SMYD3: variants seen among roughly 807,000 people sequenced by gnomAD.
SMYD3 encodes SET and MYND domain containing 3.
Under a neutral mutation model 57.7 loss-of-function variants are expected in SMYD3, and 36 were observed. That is an observed-to-expected ratio of 0.62 (90% CI 0.48 to 0.82). The LOEUF is 0.82. Among genes scored for constraint, SMYD3 ranks in the 40% least tolerant of loss-of-function variants. The pLI, the probability that SMYD3 is intolerant of heterozygous loss-of-function variation, is 0.00. For missense variants in SMYD3, 515 were observed against 538.8 expected, an observed-to-expected ratio of 0.96 and a Z score of 0.44; for synonymous variants, 211 against 195.0, an observed-to-expected ratio of 1.08 and a Z score of -0.68.
At chr1:246,461,672 T>G (rs1371315016) in intron 1 of SMYD3, among the ~76,000 whole-genome samples, 1 of 147,948 alleles carries the variant, frequency 6.8e-6, no homozygotes, top group East Asian at 2.0e-4. Context: ...AGGCTGAGCT[T>G]GCAGTGAGCC....
intron 1 of SMYD3, among the ~76,000 whole-genome samples, chr1:246,378,176 AC>A (rs2066311064): frequency 1.3e-5 from 2 of 152,244 alleles, no homozygotes; most frequent in South Asian, 4.1e-4. Flanking sequence ...GTATTTCACA[AC>A]TAGGCACTAT....
At chr1:246,327,067 T>C (rs1034106018) in intron 5 of SMYD3, 134 bp downstream of exon 5, 10 of 1,016,322 alleles carry the variant, frequency 9.8e-6, no homozygotes, top group Admixed American at 2.1e-5. Flanking sequence ...CTACTCACTA[T>C]GATAAGGAAG....
At chr1:246,294,730 C>CT (rs1220845438) in intron 5 of SMYD3, among the ~76,000 whole-genome samples, 1 of 152,082 alleles carries the variant, frequency 6.6e-6, no homozygotes, top group Non-Finnish European at 1.5e-5. Flanking sequence ...TCCCAAGTAA[C>CT]TGGAATTACA....
chr1:245,843,581 T>A (rs966162687), intron 10 of SMYD3, among the ~76,000 whole-genome samples: 2 of 144,346 alleles, frequency 1.4e-5, no homozygotes, highest in Non-Finnish European at 3.1e-5. Context: ...TGTGTGTGTA[T>A]GTGCATATAC....
rs528819411 is a variant in SMYD3, at chr1:246,363,863, T to G, written c.165-8769A>C. 1.3e-3 allele frequency among the ~76,000 whole-genome samples: 195 copies of G among 152,046 alleles called. 1 individual carries two copies. The highest frequency in any genetic ancestry group is 2.4e-3 in the Non-Finnish European group (166 of 67,990). On this transcript the variant is annotated intron_variant, in intron 1 of 11. Coordinates refer to ENST00000490107, the MANE Select transcript of SMYD3 (RefSeq NM_001167740.2). ...TTATCTGCTGACCTTCCCTCCACTA[T>G]TGTCCTATGACCCTGCCAAATCCCC...
intron 1 of SMYD3, among the ~76,000 whole-genome samples, chr1:246,494,761 G>C (rs1247628843): frequency 6.6e-6 from 1 of 152,194 alleles, no homozygotes; most frequent in Admixed American, 6.5e-5. Flanking sequence ...ATTCATTTGT[G>C]AGAAACATCT....
intron 9 of SMYD3, among the ~76,000 whole-genome samples, chr1:245,862,635 G>A (rs1352609568): frequency 6.6e-6 from 1 of 151,302 alleles, no homozygotes; most frequent in Non-Finnish European, 1.5e-5. Flanking sequence ...AAAGAGGCCC[G>A]AGATGGAAAA....
At chr1:245,924,496 C>A (rs913056730) in intron 7 of SMYD3, among the ~76,000 whole-genome samples, 1 of 152,170 alleles carries the variant, frequency 6.6e-6, no homozygotes, top group African/African-American at 2.4e-5. Flanking sequence ...TCTGTTATCA[C>A]AGACCTTGTG....
At chr1:246,444,931 A>G (rs913018828) in intron 1 of SMYD3, among the ~76,000 whole-genome samples, 2 of 152,196 alleles carry the variant, frequency 1.3e-5, no homozygotes, top group Non-Finnish European at 2.9e-5. Context: ...CTGGAATCAG[A>G]AAGTCTGGGG....
chr1:245,793,440 A>C (rs2047388520), intron 10 of SMYD3, among the ~76,000 whole-genome samples: 1 of 152,126 alleles, frequency 6.6e-6, no homozygotes, highest in Non-Finnish European at 1.5e-5. Context: ...AGGAATGAAA[A>C]CCGTTGTAGC....
intron 10 of SMYD3, among the ~76,000 whole-genome samples, chr1:245,833,033 C>T (rs1286538616): frequency 8.0e-6 from 1 of 125,776 alleles, no homozygotes; most frequent in Middle Eastern, 4.2e-3. Context: ...TCTCTGTTGC[C>T]TTTAATTACT....
chr1:246,298,196 A>G (rs1385171918), intron 5 of SMYD3, among the ~76,000 whole-genome samples: 1 of 151,844 alleles, frequency 6.6e-6, no homozygotes, highest in African/African-American at 2.4e-5. Flanking sequence ...AGAAGGGGAA[A>G]CATTCATAAA....
intron 5 of SMYD3, among the ~76,000 whole-genome samples, chr1:246,237,883 C>A (rs908894758): frequency 6.6e-6 from 1 of 152,118 alleles, no homozygotes; most frequent in African/African-American, 2.4e-5. Context: ...TATAATTTAA[C>A]AATCCCCCAT....
chr1:246,488,002 T>A (rs2068213943), intron 1 of SMYD3, among the ~76,000 whole-genome samples: 1 of 152,152 alleles, frequency 6.6e-6, no homozygotes, highest in Admixed American at 6.5e-5. Flanking sequence ...CCCTCCCTTT[T>A]AGCATTTCCT....
intron 5 of SMYD3, among the ~76,000 whole-genome samples, chr1:245,987,124 T>C (rs1378696972): frequency 6.6e-6 from 1 of 152,208 alleles, no homozygotes; most frequent in Non-Finnish European, 1.5e-5. Flanking sequence ...CCAACTCATA[T>C]TCATGCCTCC....
At chr1:246,406,779 G>T (rs1179699840) in intron 1 of SMYD3, among the ~76,000 whole-genome samples, 1 of 152,232 alleles carries the variant, frequency 6.6e-6, no homozygotes, top group African/African-American at 2.4e-5. Context: ...AAAGCAGGCA[G>T]TATGGATGAA....
chr1:245,917,579 GTT>G (rs1229112981), intron 7 of SMYD3, among the ~76,000 whole-genome samples: 1 of 151,998 alleles, frequency 6.6e-6, no homozygotes, highest in Non-Finnish European at 1.5e-5. Flanking sequence ...CTTCTGCCCC[GTT>G]TACTATGACA....
At chr1:245,854,424 A>C (rs1158128986) in intron 10 of SMYD3, among the ~76,000 whole-genome samples, 1 of 152,224 alleles carries the variant, frequency 6.6e-6, no homozygotes, top group African/African-American at 2.4e-5. Context: ...AGTACACATA[A>C]ATGGAAACGA....
intron 5 of SMYD3, among the ~76,000 whole-genome samples, chr1:246,082,255 C>T (rs1354435882): frequency 6.6e-6 from 1 of 152,142 alleles, no homozygotes; most frequent in Non-Finnish European, 1.5e-5. Context: ...TTCTATAATC[C>T]CTTACTGCTC....
Sources: gnomAD v4.1 joint callset for allele counts (sites outside exome capture counted in the v4.1 genomes callset) on GRCh38, gnomAD v4.1.1 for gene constraint, MANE v1.5 for transcripts, NCBI Gene and HGNC (gene_info 2026-07-23, HGNC 2026-07-21) for gene names.